Variants in NRXN3 observed in about 807,000 individuals in gnomAD.
The protein encoded by NRXN3 is neurexin 3.
Under a neutral mutation model 137.6 loss-of-function variants are expected in NRXN3, and 32 were observed. That is an observed-to-expected ratio of 0.23 (90% CI 0.18 to 0.31). The LOEUF (loss-of-function observed/expected upper bound fraction) is 0.31. NRXN3 is among the 10% of genes least tolerant of loss of function. NRXN3 has a pLI of 1.00. For missense variants in NRXN3, 1,574 were observed against 2,062.5 expected, an observed-to-expected ratio of 0.76 and a Z score of 4.59; for synonymous variants, 798 against 784.5, an observed-to-expected ratio of 1.02 and a Z score of -0.29.
intron 4 of NRXN3, among the ~76,000 whole-genome samples, chr14:78,576,725 A>G (rs537109861): frequency 1.3e-5 from 2 of 152,360 alleles, no homozygotes; most frequent in East Asian, 3.9e-4. Flanking sequence ...GGGGCGGAAC[A>G]TTCTGTCCTA....
chr14:79,274,981 T>C (rs1303833813), intron 15 of NRXN3, among the ~76,000 whole-genome samples: 2 of 152,332 alleles, frequency 1.3e-5, no homozygotes, highest in Non-Finnish European at 2.9e-5. Context: ...AAGTGATGTC[T>C]AAAAGAATAA....
intron 15 of NRXN3, among the ~76,000 whole-genome samples, chr14:79,213,222 C>T (rs2067964675): frequency 6.6e-6 from 1 of 152,018 alleles, no homozygotes; most frequent in Non-Finnish European, 1.5e-5. Context: ...AAGGTGTATG[C>T]CTCTATAGAT....
At chr14:79,368,175 T>C (rs1479834704) in intron 15 of NRXN3, among the ~76,000 whole-genome samples, 4 of 152,150 alleles carry the variant, frequency 2.6e-5, no homozygotes, top group Admixed American at 6.5e-5. Flanking sequence ...ATTTTTAAAA[T>C]TCCCCAGTTT....
At chr14:79,152,103 T>C (rs947180236) in intron 15 of NRXN3, among the ~76,000 whole-genome samples, 3 of 152,038 alleles carry the variant, frequency 2.0e-5, no homozygotes, top group African/African-American at 7.2e-5. Flanking sequence ...AGCCACTTGC[T>C]ATATTGAACA....
chr14:78,856,337 T>C (rs989159090), intron 10 of NRXN3, among the ~76,000 whole-genome samples: 17 of 152,218 alleles, frequency 1.1e-4, no homozygotes, highest in African/African-American at 3.9e-4. Context: ...ATATAACTCC[T>C]CTAAAGTAAG....
intron 4 of NRXN3, among the ~76,000 whole-genome samples, chr14:78,482,549 A>G (rs947517847): frequency 6.6e-6 from 1 of 152,102 alleles, no homozygotes; most frequent in African/African-American, 2.4e-5. Context: ...CTCAATAAAT[A>G]CCTGTCAATG....
chr14:79,679,511 T>G (rs1375485131), intron 17 of NRXN3, among the ~76,000 whole-genome samples: 3 of 152,150 alleles, frequency 2.0e-5, no homozygotes, highest in Admixed American at 6.6e-5. Flanking sequence ...AGTTTAATAG[T>G]TTGTTGGATA....
chr14:78,920,893 A>G (rs947745436), intron 10 of NRXN3, among the ~76,000 whole-genome samples: 8 of 152,338 alleles, frequency 5.3e-5, no homozygotes, highest in African/African-American at 1.9e-4. Context: ...CCCTGCCAGC[A>G]TGATGATATG....
At chr14:79,003,800 A>G (rs1433381767) in intron 15 of NRXN3, among the ~76,000 whole-genome samples, 1 of 152,134 alleles carries the variant, frequency 6.6e-6, no homozygotes, top group Non-Finnish European at 1.5e-5. Flanking sequence ...GTGCTCTATG[A>G]TGGGCTCAGC....
chr14:79,750,886 A>G (rs1228400625), intron 19 of NRXN3, among the ~76,000 whole-genome samples: 1 of 152,170 alleles, frequency 6.6e-6, no homozygotes, highest in African/African-American at 2.4e-5. Context: ...TAGGACAGCT[A>G]ATCTCTTGCT....
chr14:78,814,557 G>A (rs971011708), intron 10 of NRXN3, among the ~76,000 whole-genome samples: 7 of 152,230 alleles, frequency 4.6e-5, no homozygotes, highest in Admixed American at 6.5e-5. Context: ...GGAGGTTGCA[G>A]TGTGCTGAGA....
At chr14:78,288,277 G>T (rs553300879) in intron 3 of NRXN3, among the ~76,000 whole-genome samples, 71 of 152,236 alleles carry the variant, frequency 4.7e-4, no homozygotes, top group Admixed American at 3.8e-3. Context: ...ACTGCACCTG[G>T]CCTGGACTCC....
chr14:78,320,239 G>A (rs2079165337), intron 4 of NRXN3, among the ~76,000 whole-genome samples: 1 of 152,196 alleles, frequency 6.6e-6, no homozygotes, highest in African/African-American at 2.4e-5. Context: ...CCACTTGGGA[G>A]GGGGTTTCTT....
chr14:79,779,658 C>A (rs2099107893), intron 19 of NRXN3, among the ~76,000 whole-genome samples: 1 of 152,142 alleles, frequency 6.6e-6, no homozygotes, highest in Non-Finnish European at 1.5e-5. Context: ...TCCCTGGGAA[C>A]TCTCTCTACC....
intron 15 of NRXN3, among the ~76,000 whole-genome samples, chr14:79,255,556 T>G (rs907960005): frequency 2.0e-5 from 3 of 152,232 alleles, no homozygotes; most frequent in Non-Finnish European, 2.9e-5. Flanking sequence ...CTACTGCAAG[T>G]TGTTGCATTA....
intron 8 of NRXN3, among the ~76,000 whole-genome samples, chr14:78,760,769 A>T (rs896004736): frequency 6.6e-6 from 1 of 152,176 alleles, no homozygotes; most frequent in Non-Finnish European, 1.5e-5. Flanking sequence ...CTCTAGCAAA[A>T]TTAACTGTCC....
chr14:79,139,078 G>GGT (rs977148167), intron 15 of NRXN3, among the ~76,000 whole-genome samples: 38 of 152,300 alleles, frequency 2.5e-4, no homozygotes, highest in African/African-American at 8.7e-4. Context: ...CAAGGCCAAT[G>GGT]GCTTTGTCAG....
At chr14:78,788,493 C>T (rs2098795853) in intron 8 of NRXN3, among the ~76,000 whole-genome samples, 1 of 152,098 alleles carries the variant, frequency 6.6e-6, no homozygotes, top group African/African-American at 2.4e-5. Context: ...GAAAAATACT[C>T]ATGGAAGATG....
chr14:78,918,191 G>A (rs1027643223), intron 10 of NRXN3, among the ~76,000 whole-genome samples: 15 of 149,240 alleles, frequency 1.0e-4, no homozygotes, highest in African/African-American at 2.5e-4. Flanking sequence ...AGGCTGAGGC[G>A]GGAGAATCGC....
Sources: allele counts gnomAD v4.1 joint callset (sites outside exome capture counted in the v4.1 genomes callset), GRCh38; gene constraint gnomAD v4.1.1; transcripts MANE v1.5; gene names NCBI Gene and HGNC (gene_info 2026-07-23, HGNC 2026-07-21).